CSPG4: variants seen among roughly 807,000 people sequenced by gnomAD.
CSPG4 encodes the protein chondroitin sulfate proteoglycan 4.
A neutral mutation model predicts 139.3 loss-of-function variants in CSPG4; 74 were observed. That is an observed-to-expected ratio of 0.53 (90% CI 0.44 to 0.64). The LOEUF (loss-of-function observed/expected upper bound fraction) is 0.64. Ranked by LOEUF, CSPG4 falls within the 30% of genes least tolerant of loss-of-function variation. The pLI is 0.00. For missense variants in CSPG4, 2,565 were observed against 3,148.3 expected (o/e 0.81, Z 4.43); for synonymous variants, 1,234 against 1,394.2 (o/e 0.89, Z 2.56).
In CSPG4 at chr15:75,688,046, A is replaced by C; in HGVS notation, c.3019T>G (p.Phe1007Val). 6.2e-7 allele frequency: 1 copy of C among 1,612,352 alleles called. No homozygotes were observed. The highest frequency in any genetic ancestry group is 8.5e-7 in the Non-Finnish European group (1 of 1,179,648). The change falls in exon 3 of 10, where the codon TTC becomes GTC. Residue 1007 changes from phenylalanine (F) to valine (V), a missense_variant. Around this residue, in one of 5 missense-constraint regions of CSPG4, gnomAD observed 2,316 missense variants for 2,818.2 expected, o/e 0.82. Transcript: ENST00000308508. ...DMAWEEVRGVFRVAIQPVNDH... is the reference protein window; with the variant it reads ...DMAWEEVRGVVRVAIQPVNDH... ...TTCACGGGCTGGATGGCCACTCGGA[A>C]GACACCCCGTACCTCCTCCCAGGCC... is the stretch of plus-strand genomic sequence containing the variant.
intron 1 of CSPG4, among the ~76,000 whole-genome samples, chr15:75,704,982 C>T (rs866237777): frequency 6.6e-6 from 1 of 152,216 alleles, no homozygotes; most frequent in Non-Finnish European, 1.5e-5. Flanking sequence ...AAAAGACAGG[C>T]TTCTAGGGTC....
chr15:75,703,933 T>G (rs1429984274), intron 1 of CSPG4, among the ~76,000 whole-genome samples: 1 of 88,658 alleles, frequency 1.1e-5, no homozygotes, highest in Non-Finnish European at 2.3e-5. Context: ...GATGGGGTGG[T>G]CTGGGTTTAT....
intron 1 of CSPG4, among the ~76,000 whole-genome samples, chr15:75,705,070 T>A (rs1252817969): frequency 6.6e-6 from 1 of 152,206 alleles, no homozygotes; most frequent in Non-Finnish European, 1.5e-5. Context: ...GGGTTCCTGC[T>A]GTGCCCCGGC....
chr15:75,683,899 CA>C (rs1894015648), intron 5 of CSPG4, among the ~76,000 whole-genome samples: 1 of 152,196 alleles, frequency 6.6e-6, no homozygotes, highest in Non-Finnish European at 1.5e-5. Flanking sequence ...AGGTAGATGG[CA>C]CCACCTGGTG....
rs764468211 is a variant in CSPG4 at position 75,688,610 on chromosome 15, G to C, written c.2455C>G (p.Pro819Ala). Reference protein sequence around the residue: ...ATLEEAGPSPPTFHYEVVQAP... With the variant: ...ATLEEAGPSPATFHYEVVQAP... ...TGAACCACCTCATAATGGAAGGTTG[G>C]GGGGCTTGGGCCTGCCTCCTCCAGG... The change falls in exon 3 of 10, where the codon CCA becomes GCA. Residue 819 changes from proline (P) to alanine (A), a missense_variant. Transcript: ENST00000308508. 1.2e-6 allele frequency: 2 copies of C among 1,612,814 alleles called. No homozygotes were observed. The highest frequency in any genetic ancestry group is 1.3e-5 in the African/African-American group (1 of 74,928).
chr15:75,678,488 G>C, intron 8 of CSPG4: 1 of 369,982 alleles, frequency 2.7e-6, no homozygotes, highest in Non-Finnish European at 5.4e-6. Flanking sequence ...AAGTAGCGGG[G>C]ACTGCAGGCA....
At chr15:75,699,150 A>G (rs942101517) in intron 1 of CSPG4, among the ~76,000 whole-genome samples, 2 of 152,184 alleles carry the variant, frequency 1.3e-5, no homozygotes, top group African/African-American at 4.8e-5. Flanking sequence ...AATCCCATGG[A>G]GCTTACAACA....
At position 75,688,269 on chromosome 15, in the gene CSPG4, G is replaced by A; in HGVS notation, c.2796C>T (p.Tyr932=). The change falls in exon 3 of 10, where the codon TAC becomes TAT. Residue 932 remains tyrosine, a synonymous_variant. Transcript: ENST00000308508. The stretch of plus-strand genomic sequence containing the variant: ...GGGGCCGCTCCATGACCTCATAGAG[G>A]TAGCTGGCACTGTTGAGACTCTTGA... ...LFVKSLNSAS[Y]LYEVMERPRH... 1 of 1,613,084 alleles carries A rather than the reference G, an allele frequency of 6.2e-7. No homozygotes were observed. Among genetic ancestry groups the A allele is most frequent in the Admixed American group, 1.7e-5 (1 of 60,030 alleles).
At chr15:75,695,393 C>T (rs770978429) in intron 1 of CSPG4, among the ~76,000 whole-genome samples, 1 of 152,172 alleles carries the variant, frequency 6.6e-6, no homozygotes, top group Non-Finnish European at 1.5e-5. Flanking sequence ...TTCCAGAGCG[C>T]TGGGGTCTGA....
rs925306142 is a variant in CSPG4 at position 75,688,025 on chromosome 15, C to T, written c.3040G>A (p.Val1014Met). 5.0e-6 allele frequency: 8 copies of T among 1,611,790 alleles called. No homozygotes were observed. Among genetic ancestry groups the T allele is most frequent in the Non-Finnish European group, 5.9e-6 (7 of 1,179,274 alleles). ...GTCTGCACAGGGGCGTGGTCATTCA[C>T]GGGCTGGATGGCCACTCGGAAGACA... is the stretch of plus-strand genomic sequence containing the variant. ...RGVFRVAIQP[V>M]NDHAPVQTIS... The change falls in exon 3 of 10, where the codon GTG becomes ATG. Residue 1014 changes from valine to methionine, a missense_variant. Val to Met is a conservative substitution (Grantham distance 21). This residue lies in a region of CSPG4 where 2,316 missense variants were observed against 2,818.2 expected (regional missense o/e 0.82). Transcript: ENST00000308508.
chr15:75,684,873 C>T lies in CSPG4; in HGVS notation c.4312G>A (p.Glu1438Lys), dbSNP rs779562668. ...AGGACAAAACTGTCTGTCAGTGTCT[C>T]GCTCCCGTCATGCACGTAGCGGATC... is the stretch of plus-strand genomic sequence containing the variant. ...QLIRYVHDGS[E>K]TLTDSFVLMA... The change falls in exon 5 of 10, where the codon GAG becomes AAG. Residue 1438 changes from glutamate (E) to lysine (K), a missense_variant. Coordinates refer to ENST00000308508, the MANE Select transcript of CSPG4 (RefSeq NM_001897.5). 2.1e-5 allele frequency: 34 copies of T among 1,613,328 alleles called. 1 individual carries two copies. In the South Asian group the frequency reaches 3.1e-4, roughly 15 times the overall value.
rs1270316105 is a variant in CSPG4 at position 75,696,448 on chromosome 15, G to A, written c.89-3215C>T. Among the ~76,000 whole-genome samples the A allele has an allele frequency of 3.3e-5, 5 of 152,132 alleles. No individual in the cohort carries two copies. The highest frequency in any genetic ancestry group is 1.3e-4 in the Admixed American group (2 of 15,272). On this transcript the variant is annotated intron_variant, in intron 1 of 9. Coordinates refer to ENST00000308508, the MANE Select transcript of CSPG4 (RefSeq NM_001897.5). The surrounding 1 kb of genome is among the most constrained non-coding windows in gnomAD (Gnocchi z 4.2). ...TTAATAGATGTGTATTTGTGTGTGCGCAAGCATGTGGGTGGCTGCTGGGGG... is the reference window on the plus strand; with the variant it reads ...TTAATAGATGTGTATTTGTGTGTGCACAAGCATGTGGGTGGCTGCTGGGGG...
rs1894152292 is a variant in CSPG4, at chr15:75,690,636, G to A, written c.429C>T (p.Pro143=). ...CAGTGCCCCCAACAAAGAGCCCATA[G>A]GGGACCTCTAGGGGGGCTCCTGGGA... is the stretch of plus-strand genomic sequence containing the variant. ...SAVPGAPLEV[P]YGLFVGGTGT... is the part of the protein sequence containing the mutation. Residue 143 remains proline, a synonymous_variant, in exon 3 of 10, where the codon CCC becomes CCT. Transcript: ENST00000308508. The A allele has an allele frequency of 6.2e-7, 1 of 1,611,512 alleles. No individual in the cohort carries two copies. The highest frequency in any genetic ancestry group is 1.3e-5 in the African/African-American group (1 of 74,888).
At position 75,688,455 on chromosome 15, in the gene CSPG4, C is replaced by T. The variant is rs1388717078; in HGVS notation, c.2610G>A (p.Glu870=). Residue 870 remains glutamate (E), a synonymous_variant, in exon 3 of 10, where the codon GAG becomes GAA. Transcript: ENST00000308508. ...GATARASEAV[E]DTFRFRVTAP... ...CTGTGACACGGAAACGGAAGGTGTC[C>T]TCGACTGCCTCTGAGGCACGTGCTG... 6.2e-7 allele frequency: 1 copy of T among 1,613,104 alleles called. No individual in the cohort carries two copies. Among genetic ancestry groups the T allele is most frequent in the Non-Finnish European group, 8.5e-7 (1 of 1,180,044 alleles).
At chr15:75,684,438 T>C (rs1031984923) in intron 5 of CSPG4, among the ~76,000 whole-genome samples, 7 of 152,260 alleles carry the variant, frequency 4.6e-5, no homozygotes, top group Admixed American at 1.3e-4. Context: ...TGTAAGTGAT[T>C]CTGTCAGATG....
At chr15:75,712,939 C>G, upstream of CSPG4, 2 of 540,918 alleles carry the variant, frequency 3.7e-6, no homozygotes, top group South Asian at 4.7e-5. Context: ...TGGACTCCCC[C>G]ACCTGCCCCC....
Position 75,676,063 on chromosome 15 carries a change from C to T in CSPG4, c.6456G>A (p.Pro2152=), listed in dbSNP as rs905627384. The change falls in exon 10 of 10, where the codon CCG becomes CCA. Residue 2152 remains proline, a synonymous_variant. Transcript: ENST00000308508. Reference sequence around the variant, plus strand: ...CAAAGTCCAGGGAGGCCACAGCAGGCGGGACGCCCTGTGCCCACAGCTCCA... The same window carrying T: ...CAAAGTCCAGGGAGGCCACAGCAGGTGGGACGCCCTGTGCCCACAGCTCCA... ...LTLELWAQGV[P]PAVASLDFAT... is the part of the protein sequence containing the mutation. 1.2e-5 allele frequency: 18 copies of T among 1,534,454 alleles called. No homozygotes were observed. The highest frequency in any genetic ancestry group is 2.7e-5 in the African/African-American group (2 of 73,302).
At chr15:75,684,402 C>T (rs75499392) in intron 5 of CSPG4, among the ~76,000 whole-genome samples, 17,669 of 152,266 alleles carry the variant, frequency 0.12, 1,125 homozygotes, top group Middle Eastern at 0.23. Flanking sequence ...TAACAGCTTC[C>T]GCCCTGATGC....
intron 1 of CSPG4, among the ~76,000 whole-genome samples, chr15:75,697,447 C>G (rs941824587): frequency 1.3e-5 from 2 of 152,250 alleles, no homozygotes; most frequent in African/African-American, 4.8e-5. Flanking sequence ...ACCTTCCAGA[C>G]AGACAAACTG....
Sources: allele counts gnomAD v4.1 joint callset (sites outside exome capture counted in the v4.1 genomes callset), GRCh38; gene constraint gnomAD v4.1.1; regional missense constraint gnomAD v4.1.1; non-coding constraint Gnocchi (gnomAD v3.1); transcripts MANE v1.5; gene names NCBI Gene and HGNC (gene_info 2026-07-23, HGNC 2026-07-21).